The following NBEA variants were observed in gnomAD, a reference collection of about 807,000 sequenced individuals.
The protein encoded by NBEA is lysosomal-trafficking regulator 2.
NBEA carries 44 observed loss-of-function variants against 343.4 expected under a neutral mutation model. That is an observed-to-expected ratio of 0.13 (90% CI 0.10 to 0.16). The LOEUF is 0.16. Among genes scored for constraint, NBEA ranks in the 10% least tolerant of loss-of-function variants. The pLI is 1.00. For synonymous variants in NBEA, 1,175 were observed against 1,238.7 expected, an observed-to-expected ratio of 0.95 and a Z score of 1.08; for missense variants, 2,555 against 3,631.3, an observed-to-expected ratio of 0.70 and a Z score of 7.62.
At chr13:35,072,374 T>A (rs2063909311) in intron 10 of NBEA, among the ~76,000 whole-genome samples, 1 of 152,178 alleles carries the variant, frequency 6.6e-6, no homozygotes, top group African/African-American at 2.4e-5. Flanking sequence ...ACTCATTTAA[T>A]ATTTATATTA....
At chr13:35,461,815 TA>T (rs2046921445) in intron 40 of NBEA, among the ~76,000 whole-genome samples, 1 of 152,198 alleles carries the variant, frequency 6.6e-6, no homozygotes, top group African/African-American at 2.4e-5. Flanking sequence ...ATACTGAAAA[TA>T]TTTTGTTTAA....
At chr13:35,029,484 T>C (rs987764341) in intron 1 of NBEA, among the ~76,000 whole-genome samples, 3 of 151,616 alleles carry the variant, frequency 2.0e-5, no homozygotes, top group African/African-American at 7.2e-5. Flanking sequence ...ACTTTCCTTA[T>C]GGCAGTAGCT....
At chr13:35,031,197 C>A (rs2062204002) in intron 1 of NBEA, among the ~76,000 whole-genome samples, 1 of 151,650 alleles carries the variant, frequency 6.6e-6, no homozygotes, top group African/African-American at 2.4e-5. Context: ...GATTTTCCAA[C>A]CTTTTGTTTT....
chr13:35,015,200 A>G (rs1026106943), intron 1 of NBEA, among the ~76,000 whole-genome samples: 4 of 150,432 alleles, frequency 2.7e-5, no homozygotes, highest in East Asian at 3.9e-4. Context: ...ATTTAACCCC[A>G]TTGAATCTGA....
intron 13 of NBEA, among the ~76,000 whole-genome samples, chr13:35,114,168 G>A (rs1180386145): frequency 2.0e-5 from 3 of 152,042 alleles, no homozygotes; most frequent in Non-Finnish European, 4.4e-5. Flanking sequence ...CGTACTTTTA[G>A]TGGACAGATC....
At chr13:35,578,862 A>T (rs976596594) in intron 45 of NBEA, among the ~76,000 whole-genome samples, 2 of 152,192 alleles carry the variant, frequency 1.3e-5, no homozygotes, top group Non-Finnish European at 2.9e-5. Flanking sequence ...GAACAGATCC[A>T]AGCCTAAACA....
At chr13:35,431,380 A>G (rs1247928767) in intron 38 of NBEA, among the ~76,000 whole-genome samples, 1 of 152,166 alleles carries the variant, frequency 6.6e-6, no homozygotes, top group East Asian at 1.9e-4. Context: ...ATGCAGAAAA[A>G]TTGACGTCTT....
At chr13:35,028,248 T>C (rs1366518583) in intron 1 of NBEA, among the ~76,000 whole-genome samples, 7 of 151,912 alleles carry the variant, frequency 4.6e-5, no homozygotes, top group Non-Finnish European at 1.5e-5. Context: ...AACTTATATG[T>C]TAATTTGAGG....
chr13:35,071,799 T>A (rs1264111968), intron 10 of NBEA, among the ~76,000 whole-genome samples: 12 of 152,094 alleles, frequency 7.9e-5, no homozygotes, highest in Non-Finnish European at 1.8e-4. Flanking sequence ...TTAATGAAAT[T>A]CCATTTTAGT....
chr13:35,416,134 G>A (rs1475696405), intron 38 of NBEA, among the ~76,000 whole-genome samples: 5 of 152,096 alleles, frequency 3.3e-5, no homozygotes, highest in African/African-American at 9.7e-5. Context: ...AAGATTTTGG[G>A]CTGAGATGAT....
At chr13:35,208,983 AT>A in intron 32 of NBEA, 129 bp downstream of exon 32, 1 of 777,220 alleles carries the variant, frequency 1.3e-6, no homozygotes, top group Non-Finnish European at 1.9e-6. Context: ...AGAAGGTTAT[AT>A]TTTATGTTAT....
intron 1 of NBEA, among the ~76,000 whole-genome samples, chr13:34,962,705 A>G (rs969252927): frequency 6.6e-6 from 1 of 152,038 alleles, no homozygotes; most frequent in Non-Finnish European, 1.5e-5. Flanking sequence ...CTATAAAAAT[A>G]TATATAAGTG....
At chr13:35,304,416 G>A (rs770126674) in intron 35 of NBEA, among the ~76,000 whole-genome samples, 18 of 151,968 alleles carry the variant, frequency 1.2e-4, no homozygotes, top group East Asian at 5.8e-4. Flanking sequence ...GTGCATTGGC[G>A]CGGTATTGGC....
intron 38 of NBEA, among the ~76,000 whole-genome samples, chr13:35,352,597 A>G (rs2040250567): frequency 6.6e-6 from 1 of 152,198 alleles, no homozygotes; most frequent in South Asian, 2.1e-4. Context: ...ATTTTAGTCT[A>G]CTGTCTCTCA....
chr13:35,448,126 G>C (rs1377195549), intron 39 of NBEA, among the ~76,000 whole-genome samples: 1 of 152,120 alleles, frequency 6.6e-6, no homozygotes, highest in Non-Finnish European at 1.5e-5. Flanking sequence ...TTAGTGTGTT[G>C]ATATGGATTA....
intron 10 of NBEA, among the ~76,000 whole-genome samples, chr13:35,081,449 T>C (rs2064390791): frequency 6.6e-6 from 1 of 152,118 alleles, no homozygotes; most frequent in African/African-American, 2.4e-5. Context: ...AAAATACATA[T>C]ATTATTTTTT....
chr13:34,984,341 G>A (rs1427155094), intron 1 of NBEA, among the ~76,000 whole-genome samples: 1 of 152,142 alleles, frequency 6.6e-6, no homozygotes, highest in Non-Finnish European at 1.5e-5. Flanking sequence ...CTTTCTCAAA[G>A]ATCAGATGGT....
At chr13:35,062,375 A>G (rs1465393319) in intron 8 of NBEA, among the ~76,000 whole-genome samples, 2 of 151,774 alleles carry the variant, frequency 1.3e-5, no homozygotes, top group Non-Finnish European at 3.0e-5. Flanking sequence ...GGATGGGGCA[A>G]TTTTGAAAGG....
chr13:35,041,446 A>T (rs2062645912), intron 2 of NBEA, among the ~76,000 whole-genome samples: 1 of 152,026 alleles, frequency 6.6e-6, no homozygotes, highest in Non-Finnish European at 1.5e-5. Context: ...AAAAATAAAC[A>T]TTATTTTTAT....
Sources: gnomAD v4.1 joint callset for allele counts (sites outside exome capture counted in the v4.1 genomes callset) on GRCh38, gnomAD v4.1.1 for gene constraint, MANE v1.5 for transcripts, NCBI Gene and HGNC (gene_info 2026-07-23, HGNC 2026-07-21) for gene names.